Variants in DIAPH3 observed in about 807,000 individuals in gnomAD.
DIAPH3 encodes diaphanous related formin 3.
DIAPH3 carries 117 observed loss-of-function variants against 144.3 expected under a neutral mutation model. That is an observed-to-expected ratio of 0.81 (90% CI 0.70 to 0.95). The LOEUF (loss-of-function observed/expected upper bound fraction) is 0.95, where lower values mean the gene tolerates loss of function less well. Ranked by LOEUF, DIAPH3 falls within the 40% of genes least tolerant of loss-of-function variation. DIAPH3 has a pLI of 0.00. For synonymous variants in DIAPH3, 519 were observed against 488.9 expected, an observed-to-expected ratio of 1.06 and a Z score of -0.81; for missense variants, 1,421 against 1,412.7, an observed-to-expected ratio of 1.01 and a Z score of -0.09.
intron 14 of DIAPH3, among the ~76,000 whole-genome samples, chr13:59,976,367 A>G (rs2140638673): frequency 6.6e-6 from 1 of 152,084 alleles, no homozygotes; most frequent in South Asian, 2.1e-4. Flanking sequence ...GTAAATGTAA[A>G]CTTAAATTAT....
intron 22 of DIAPH3, 124 bp downstream of exon 22, chr13:59,861,283 A>G (rs2043566710): frequency 6.4e-7 from 1 of 1,559,676 alleles, no homozygotes; most frequent in African/African-American, 1.4e-5. Flanking sequence ...TTATTTTTAA[A>G]ATGAGATATT....
intron 4 of DIAPH3, among the ~76,000 whole-genome samples, chr13:60,064,963 G>A (rs538720918): frequency 2.0e-5 from 3 of 152,106 alleles, no homozygotes; most frequent in Non-Finnish European, 4.4e-5. Flanking sequence ...AGGAGAGGAA[G>A]AGAAACAGAA....
chr13:59,773,881 A>G (rs2038250518), intron 27 of DIAPH3, among the ~76,000 whole-genome samples: 1 of 152,194 alleles, frequency 6.6e-6, no homozygotes. Flanking sequence ...ACTACTTTAA[A>G]AAGTGTTATG....
Position 59,729,808 on chromosome 13 carries a change from A to ATTTTTTTTTTTTTTTTTTTTTTTTTTTT in DIAPH3, c.3319+44380_3319+44381insAAAAAAAAAAAAAAAAAAAAAAAAAAAA, listed in dbSNP as rs202135165. 4.3e-5 allele frequency among the ~76,000 whole-genome samples: 5 copies of ATTTTTTTTTTTTTTTTTTTTTTTTTTTT among 115,182 alleles called. 1 individual carries two copies. The highest frequency in any genetic ancestry group is 9.6e-5 in the Admixed American group (1 of 10,392). 75.6% of individuals were successfully genotyped at this position (115,182 alleles called of 152,430 possible). A position where few individuals can be genotyped will look rare whatever the true frequency, so the allele number is the denominator to read the frequency against. The stretch of plus-strand genomic sequence containing the variant: ...TTTGTGACTTCCGGTGAATACATTA[A>ATTTTTTTTTTTTTTTTTTTTTTTTTTTT]TATTTTTTTTTTTTTTTTTTTGAGA... On this transcript the variant is annotated intron_variant, in intron 27 of 27. Coordinates refer to ENST00000400324, the MANE Select transcript of DIAPH3 (RefSeq NM_001042517.2).
chr13:59,703,328 AATT>A (rs956481634), intron 27 of DIAPH3, among the ~76,000 whole-genome samples: 1 of 152,250 alleles, frequency 6.6e-6, no homozygotes, highest in African/African-American at 2.4e-5. Context: ...AAATTATTAA[AATT>A]AACTTCATCT....
intron 3 of DIAPH3, among the ~76,000 whole-genome samples, chr13:60,107,456 T>TA (rs903671229): frequency 7.6e-4 from 115 of 151,926 alleles, no homozygotes; most frequent in African/African-American, 2.6e-3. Context: ...CTGTATAATT[T>TA]AAAAAAAACA....
chr13:59,672,496 C>A (rs2032428421), intron 27 of DIAPH3, among the ~76,000 whole-genome samples: 1 of 152,204 alleles, frequency 6.6e-6, no homozygotes. Context: ...TACTAAGTAG[C>A]TGTTTTGTTT....
At position 59,970,986 on chromosome 13, in the gene DIAPH3, G is replaced by C. The variant is rs778580569; in HGVS notation, c.1825C>G (p.Pro609Ala). 4.3e-6 allele frequency: 7 copies of C among 1,613,470 alleles called. No homozygotes were observed. Among genetic ancestry groups the C allele is most frequent in the Non-Finnish European group, 5.1e-6 (6 of 1,179,868 alleles). Residue 609 changes from proline (P) to alanine (A), a missense_variant, in exon 16 of 28, where the codon CCT (proline) becomes GCT (alanine). Transcript: ENST00000400324. Reference protein sequence around the residue: ...LPGMRMPFSGPVPPPPPLGFL... With the variant: ...LPGMRMPFSGAVPPPPPLGFL... ...CCCAGGGGAGGTGGTGGAGGCACAG[G>C]ACCACTGAATGGCATCCGCATTCCT... is the stretch of plus-strand genomic sequence containing the variant.
intron 2 of DIAPH3, among the ~76,000 whole-genome samples, chr13:60,128,664 A>G (rs1333270544): frequency 1.3e-5 from 2 of 152,164 alleles, no homozygotes; most frequent in Non-Finnish European, 2.9e-5. Context: ...AATAGACACT[A>G]ATGCAAAGAC....
At chr13:60,122,059 A>G (rs1032233445) in intron 2 of DIAPH3, among the ~76,000 whole-genome samples, 2 of 151,754 alleles carry the variant, frequency 1.3e-5, no homozygotes, top group African/African-American at 4.8e-5. Flanking sequence ...CATGCCCCTC[A>G]CTCCTGTGGT....
chr13:60,079,675 T>A (rs1243854848), intron 4 of DIAPH3, among the ~76,000 whole-genome samples: 3 of 151,752 alleles, frequency 2.0e-5, no homozygotes, highest in South Asian at 2.1e-4. Context: ...AAAAAAAAAG[T>A]AAGAGCCACT....
intron 27 of DIAPH3, among the ~76,000 whole-genome samples, chr13:59,742,021 A>G (rs942368687): frequency 6.6e-6 from 1 of 152,190 alleles, no homozygotes; most frequent in Admixed American, 6.5e-5. Flanking sequence ...AGGCCTCCCA[A>G]TCATGGCAGA....
At chr13:59,871,377 T>G (rs2044268042) in intron 21 of DIAPH3, among the ~76,000 whole-genome samples, 1 of 152,126 alleles carries the variant, frequency 6.6e-6, no homozygotes, top group Admixed American at 6.5e-5. Context: ...GCTTCCAGTT[T>G]TAGGGAAAAA....
chr13:59,989,258 A>ACAAC (rs2051644058), intron 12 of DIAPH3, among the ~76,000 whole-genome samples: 1 of 151,964 alleles, frequency 6.6e-6, no homozygotes, highest in East Asian at 1.9e-4. Context: ...CAACAAGAGT[A>ACAAC]AGTTTTACTG....
intron 20 of DIAPH3, among the ~76,000 whole-genome samples, chr13:59,891,525 G>A (rs746083192): frequency 1.3e-5 from 2 of 151,104 alleles, no homozygotes; most frequent in Non-Finnish European, 2.9e-5. Flanking sequence ...GTGGGGAAGT[G>A]GGGATTTTAG....
intron 24 of DIAPH3, among the ~76,000 whole-genome samples, chr13:59,812,389 G>GA (rs907831678): frequency 3.3e-5 from 5 of 149,496 alleles, no homozygotes; most frequent in African/African-American, 7.4e-5. Flanking sequence ...AAGTAGGGGA[G>GA]AAAAAAAAAG....
At chr13:60,151,747 G>T (rs1252162414) in intron 1 of DIAPH3, among the ~76,000 whole-genome samples, 1 of 152,082 alleles carries the variant, frequency 6.6e-6, no homozygotes, top group East Asian at 1.9e-4. Context: ...ATAACAATAA[G>T]AGCAAAATTA....
intron 27 of DIAPH3, among the ~76,000 whole-genome samples, chr13:59,715,386 T>A (rs1221035322): frequency 1.3e-5 from 2 of 152,168 alleles, no homozygotes; most frequent in Non-Finnish European, 2.9e-5. Context: ...GGATATGGCA[T>A]CTGATTAGAG....
intron 22 of DIAPH3, among the ~76,000 whole-genome samples, chr13:59,854,770 G>A (rs2043170484): frequency 6.6e-6 from 1 of 152,142 alleles, no homozygotes; most frequent in African/African-American, 2.4e-5. Flanking sequence ...TGACAGAACT[G>A]CTCAAGTAGC....
Sources: allele counts gnomAD v4.1 joint callset (sites outside exome capture counted in the v4.1 genomes callset), GRCh38; gene constraint gnomAD v4.1.1; transcripts MANE v1.5; gene names NCBI Gene and HGNC (gene_info 2026-07-23, HGNC 2026-07-21).